Variants in RLIG1 observed in about 807,000 individuals in gnomAD.
RLIG1 encodes RNA 5'-phosphate and 3'-OH ligase 1.
the RLIG1 span, chr12:88,045,860 C>T: frequency 9.2e-7 from 1 of 1,085,524 alleles, no homozygotes; most frequent in Non-Finnish European, 1.4e-6. Flanking sequence ...AAAAAACATA[C>T]ACACACTAAA....
At chr12:88,048,069 A>C in the RLIG1 span, among the ~76,000 whole-genome samples, 1 of 152,114 alleles carries the variant, frequency 6.6e-6, no homozygotes, top group East Asian at 1.9e-4. Flanking sequence ...GATAGACAAT[A>C]AACAAATATG....
the RLIG1 span, chr12:88,043,639 G>A: frequency 4.4e-5 from 71 of 1,612,632 alleles, 1 homozygote; most frequent in East Asian, 5.1e-4. Flanking sequence ...AACCAGCTCC[G>A]GAGTGCTGGA....
chr12:88,036,361 G>A, the RLIG1 span, among the ~76,000 whole-genome samples: 1 of 152,154 alleles, frequency 6.6e-6, no homozygotes, highest in South Asian at 2.1e-4. Context: ...ACTATAAAAC[G>A]TTGTAGTCTT....
the RLIG1 span, chr12:88,036,004 G>T: frequency 6.7e-7 from 1 of 1,499,702 alleles, no homozygotes; most frequent in South Asian, 1.2e-5. Context: ...GCAAGGAAAT[G>T]GATAACTCAC....
At chr12:88,035,851 C>T in the RLIG1 span, 1 of 1,528,680 alleles carries the variant, frequency 6.5e-7, no homozygotes, top group Non-Finnish European at 8.8e-7. Flanking sequence ...CCCTGCAGGC[C>T]AGGAACCTCT....
chr12:88,045,704 A>C, the RLIG1 span: 1 of 1,613,320 alleles, frequency 6.2e-7, no homozygotes, highest in Non-Finnish European at 8.5e-7. Context: ...TTTGGAAATT[A>C]GTGCAGTGCC....
chr12:88,037,499 G>C, the RLIG1 span, among the ~76,000 whole-genome samples: 1 of 152,132 alleles, frequency 6.6e-6, no homozygotes, highest in South Asian at 2.1e-4. Flanking sequence ...CCATGGGGCA[G>C]AGTAATCTTC....
the RLIG1 span, chr12:88,048,458 TC>T: frequency 9.9e-7 from 1 of 1,009,772 alleles, no homozygotes; most frequent in Non-Finnish European, 1.4e-6. Context: ...TATATTCTAA[TC>T]TTGAATATTC....
At chr12:88,042,688 A>G in the RLIG1 span, 471 of 495,558 alleles carry the variant, frequency 9.5e-4, 2 homozygotes, top group African/African-American at 8.9e-3. Flanking sequence ...TAGGAGGTAT[A>G]TATTCTTAGA....
chr12:88,043,265 A>G, the RLIG1 span, among the ~76,000 whole-genome samples: 9 of 152,072 alleles, frequency 5.9e-5, no homozygotes, highest in Admixed American at 1.3e-4. Context: ...TATCTGTAGT[A>G]GATACTCATT....
At chr12:88,043,855 A>G in the RLIG1 span, 10 of 660,704 alleles carry the variant, frequency 1.5e-5, 1 homozygote, top group South Asian at 1.1e-4. Context: ...AAATTTATGT[A>G]AAGTCCTACA....
chr12:88,043,588 A>T, the RLIG1 span: 1 of 1,560,848 alleles, frequency 6.4e-7, no homozygotes, highest in Non-Finnish European at 8.7e-7. Flanking sequence ...TATCTTTTTA[A>T]TATTTTTTAG....
At chr12:88,044,295 A>G in the RLIG1 span, 41 of 152,844 alleles carry the variant, frequency 2.7e-4, no homozygotes, top group Admixed American at 2.7e-3. Flanking sequence ...AAGAAGAGGG[A>G]ATAGCTTCCA....
chr12:88,040,310 C>T, the RLIG1 span: 1 of 1,140,222 alleles, frequency 8.8e-7, no homozygotes, highest in Non-Finnish European at 1.3e-6. Context: ...ACTTATTTTT[C>T]TTAATCACTT....
chr12:88,035,943 G>A, the RLIG1 span: 2 of 1,523,576 alleles, frequency 1.3e-6, no homozygotes, highest in Non-Finnish European at 1.8e-6. Flanking sequence ...AGTTGTGAGG[G>A]AGGGAATTTG....
the RLIG1 span, chr12:88,040,191 T>C: frequency 6.2e-7 from 1 of 1,611,148 alleles, no homozygotes; most frequent in East Asian, 2.2e-5. Context: ...CACAAGGCAT[T>C]AGATGCAGAT....
the RLIG1 span, chr12:88,035,714 G>C: frequency 6.2e-7 from 1 of 1,604,892 alleles, no homozygotes; most frequent in East Asian, 2.3e-5. Context: ...TGAAAGAGGA[G>C]CCTTCCTCCA....
the RLIG1 span, among the ~76,000 whole-genome samples, chr12:88,036,417 G>A: frequency 6.6e-6 from 1 of 152,272 alleles, no homozygotes; most frequent in African/African-American, 2.4e-5. Flanking sequence ...TCCCAACTTT[G>A]CTGATTTCAA....
At chr12:88,038,556 G>T in the RLIG1 span, among the ~76,000 whole-genome samples, 2 of 152,168 alleles carry the variant, frequency 1.3e-5, no homozygotes, top group African/African-American at 2.4e-5. Flanking sequence ...CATTTTTTAA[G>T]TAAATAAACC....
Sources: allele counts gnomAD v4.1 joint callset (sites outside exome capture counted in the v4.1 genomes callset), GRCh38; gene constraint gnomAD v4.1.1; transcripts MANE v1.5; gene names NCBI Gene and HGNC (gene_info 2026-07-23, HGNC 2026-07-21).